The following AFF2 variants were observed in gnomAD, a reference collection of about 807,000 sequenced individuals.
AFF2 encodes the protein AF4/FMR2 family member 2.
In AFF2, 14 loss-of-function variants were observed where a neutral mutation model predicts 76.9. The ratio of observed to expected loss-of-function variants is 0.18; its 90% CI spans 0.12 to 0.28. AFF2 has a LOEUF of 0.28. AFF2 is among the 10% of genes least tolerant of loss of function. AFF2 has a pLI of 1.00. For synonymous variants in AFF2, 398 were observed against 366.7 expected, an observed-to-expected ratio of 1.09 and a Z score of -0.98; for missense variants, 868 against 1,001.1, an observed-to-expected ratio of 0.87 and a Z score of 1.79.
chrX:148,973,454 T>A lies in AFF2; in HGVS notation c.3268-17T>A. On this transcript the variant is annotated splice_polypyrimidine_tract_variant and intron_variant, in intron 15 of 20. Coordinates refer to ENST00000370460, the MANE Select transcript of AFF2 (RefSeq NM_002025.4). ...AAACAGAGAGTATTATCTTGACGAG[T>A]CATCTTCCTGTTTCAGTTCGAGAAA... The A allele has an allele frequency of 8.3e-7, 1 of 1,210,075 alleles. No homozygotes were observed. Among genetic ancestry groups the A allele is most frequent in the Non-Finnish European group, 1.1e-6 (1 of 894,424 alleles).
intron 19 of AFF2, among the ~76,000 whole-genome samples, chrX:148,984,540 A>G (rs899488446): frequency 1.8e-5 from 2 of 111,931 alleles, no homozygotes; most frequent in South Asian, 3.8e-4. Context: ...GCAGGTTTTC[A>G]TTTAATGAGC....
At chrX:148,903,923 C>G (rs2071381648) in intron 8 of AFF2, among the ~76,000 whole-genome samples, 1 of 111,282 alleles carries the variant, frequency 9.0e-6, no homozygotes, top group Admixed American at 9.5e-5. Context: ...GAGAGGGACC[C>G]TAGTTATGCA....
intron 4 of AFF2, among the ~76,000 whole-genome samples, chrX:148,826,822 C>A (rs1284787812): frequency 5.4e-5 from 6 of 111,261 alleles, no homozygotes; most frequent in African/African-American, 1.6e-4. Context: ...CTATTAGGGG[C>A]TTGGAATACT....
At chrX:148,961,154 C>A (rs979348293) in intron 12 of AFF2, among the ~76,000 whole-genome samples, 1 of 112,066 alleles carries the variant, frequency 8.9e-6, no homozygotes, top group Non-Finnish European at 1.9e-5. Context: ...GCAGCTCTTT[C>A]CCTTGAAGCC....
intron 9 of AFF2, among the ~76,000 whole-genome samples, chrX:148,927,486 T>C (rs1005517419): frequency 1.8e-4 from 20 of 110,923 alleles, no homozygotes; most frequent in Non-Finnish European, 3.8e-4. Flanking sequence ...CCTTTCCTTT[T>C]TTTTCTGTCG....
intron 19 of AFF2, among the ~76,000 whole-genome samples, chrX:148,983,988 A>G (rs782112816): frequency 2.2e-4 from 18 of 81,556 alleles, no homozygotes; most frequent in African/African-American, 6.8e-4. Context: ...TCAAGGTCAC[A>G]TTCTGTTGAA....
At chrX:148,804,705 A>G (rs1461197942) in intron 3 of AFF2, among the ~76,000 whole-genome samples, 1 of 112,565 alleles carries the variant, frequency 8.9e-6, no homozygotes, top group Non-Finnish European at 1.9e-5. Context: ...TAGCTGGACC[A>G]TGTAACTGTT....
At chrX:148,588,701 G>C (rs1212773154) in intron 1 of AFF2, among the ~76,000 whole-genome samples, 1 of 111,940 alleles carries the variant, frequency 8.9e-6, no homozygotes, top group Non-Finnish European at 1.9e-5. Context: ...TACCAGTGTA[G>C]TCATGTTTGT....
rs781874771 is a variant in AFF2 at position 148,525,395 on chromosome X, A to G, written c.47+24251A>G. On this transcript the variant is annotated intron_variant, in intron 1 of 20. Coordinates refer to ENST00000370460, the MANE Select transcript of AFF2 (RefSeq NM_002025.4). ...AAGAACAAACAAAATTGTAACACTTATCATTAAATTACCACTATAGAAATA... is the reference window on the plus strand; with the variant it reads ...AAGAACAAACAAAATTGTAACACTTGTCATTAAATTACCACTATAGAAATA... 4.5e-5 allele frequency among the ~76,000 whole-genome samples: 5 copies of G among 112,296 alleles called. No homozygotes were observed. The South Asian group carries it at 1.5e-3, about 33-fold the overall frequency.
intron 7 of AFF2, among the ~76,000 whole-genome samples, chrX:148,858,497 ATGGTT>A (rs2070810572): frequency 9.0e-6 from 1 of 111,699 alleles, no homozygotes; most frequent in Admixed American, 9.6e-5. Flanking sequence ...CATTTACAAT[ATGGTT>A]TGATTTTCAA....
chrX:148,613,207 G>T (rs1557249736), intron 1 of AFF2, among the ~76,000 whole-genome samples: 1 of 111,863 alleles, frequency 8.9e-6, no homozygotes, highest in Non-Finnish European at 1.9e-5. Flanking sequence ...GGCTCAAGTG[G>T]CCTATTGTGC....
intron 16 of AFF2, among the ~76,000 whole-genome samples, chrX:148,977,614 G>GACACACACAC (rs140911348): frequency 3.5e-4 from 32 of 92,747 alleles, no homozygotes; most frequent in African/African-American, 1.3e-3. Flanking sequence ...CCAGCATTTA[G>GACACACACAC]ACACACACAC....
At chrX:148,559,391 A>G (rs1298779204) in intron 1 of AFF2, among the ~76,000 whole-genome samples, 2 of 110,662 alleles carry the variant, frequency 1.8e-5, no homozygotes, top group East Asian at 2.8e-4. Flanking sequence ...CGTCATCTCC[A>G]TTATGTATTT....
intron 9 of AFF2, among the ~76,000 whole-genome samples, chrX:148,920,676 A>G (rs1388518392): frequency 9.1e-6 from 1 of 109,647 alleles, no homozygotes; most frequent in Non-Finnish European, 1.9e-5. Context: ...TTAAATAAGT[A>G]TGGGAAATTC....
intron 7 of AFF2, among the ~76,000 whole-genome samples, chrX:148,864,209 T>G (rs1557276662): frequency 8.9e-6 from 1 of 112,006 alleles, no homozygotes; most frequent in Non-Finnish European, 1.9e-5. Context: ...TGTATTGGCT[T>G]CAAATGGTTA....
intron 19 of AFF2, among the ~76,000 whole-genome samples, chrX:148,983,965 A>AAAAAAAAAAAAAAACAAAAAAAC (rs1438744109): frequency 3.0e-5 from 3 of 99,776 alleles, no homozygotes; most frequent in African/African-American, 1.2e-4. Context: ...AAAAAAAAAA[A>AAAAAAAAAAAAAAACAAAAAAAC]AAACTGCCCT....
At chrX:148,529,946 A>G (rs1557235655) in intron 1 of AFF2, among the ~76,000 whole-genome samples, 1 of 111,985 alleles carries the variant, frequency 8.9e-6, no homozygotes, top group Admixed American at 9.5e-5. Flanking sequence ...CCTGTTGCCC[A>G]TTTGAATCTT....
At chrX:148,807,907 C>T (rs1479001661) in intron 3 of AFF2, among the ~76,000 whole-genome samples, 2 of 112,134 alleles carry the variant, frequency 1.8e-5, no homozygotes, top group Non-Finnish European at 3.8e-5. Context: ...CCAGCATCTT[C>T]CAGTATATAT....
intron 1 of AFF2, among the ~76,000 whole-genome samples, chrX:148,510,731 A>G (rs1319434636): frequency 1.8e-5 from 2 of 112,248 alleles, no homozygotes; most frequent in African/African-American, 6.5e-5. Flanking sequence ...CTTGACAAGA[A>G]TGTGAGCTCA....
Sources: allele counts gnomAD v4.1 joint callset (sites outside exome capture counted in the v4.1 genomes callset), GRCh38; gene constraint gnomAD v4.1.1; transcripts MANE v1.5; gene names NCBI Gene and HGNC (gene_info 2026-07-23, HGNC 2026-07-21).